Variants in SGCD observed in about 807,000 individuals in gnomAD.
SGCD encodes the protein sarcoglycan delta.
In SGCD, 18 loss-of-function variants were observed where a neutral mutation model predicts 36.6. That is an observed-to-expected ratio of 0.49 (90% confidence interval 0.34 to 0.73). SGCD has a LOEUF of 0.73. Ranked by LOEUF, SGCD falls within the 30% of genes least tolerant of loss-of-function variation. The pLI is 0.01. For synonymous variants in SGCD, 133 were observed against 130.6 expected (o/e 1.02, Z -0.12); for missense variants, 387 against 346.7 (o/e 1.12, Z -0.92).
chr5:156,448,480 C>T (rs1358219921), intron 3 of SGCD, among the ~76,000 whole-genome samples: 1 of 152,054 alleles, frequency 6.6e-6, no homozygotes, highest in Non-Finnish European at 1.5e-5. Context: ...GCAGCAGCAG[C>T]CTCTCCATGG....
At position 156,071,786 on chromosome 5, in the gene SGCD, C is replaced by G. The variant is rs943589521; in HGVS notation, c.-281-46092C>G. 5.9e-5 allele frequency among the ~76,000 whole-genome samples: 9 copies of G among 152,252 alleles called. No individual in the cohort carries two copies. In the East Asian group the frequency reaches 9.6e-4, roughly 16 times the overall value. On this transcript the variant is annotated intron_variant, in intron 1 of 9. Coordinates refer to the SGCD transcript ENST00000517913. ...AGTCTAAATCTCTTTGTAGGTCACT[C>G]AGGACTTGCTTCATGAATCTGGGTG...
intron 1 of SGCD, among the ~76,000 whole-genome samples, chr5:155,937,375 C>T (rs961792190): frequency 6.6e-6 from 1 of 152,202 alleles, no homozygotes; most frequent in East Asian, 1.9e-4. Flanking sequence ...TCCAGGTAAC[C>T]TCCTCCTAAA....
intron 3 of SGCD, among the ~76,000 whole-genome samples, chr5:156,450,954 T>C (rs761032434): frequency 6.6e-6 from 1 of 152,076 alleles, no homozygotes; most frequent in South Asian, 2.1e-4. Flanking sequence ...CTCCAATAAT[T>C]CCTGAAAGAA....
At chr5:156,575,306 A>C (rs959550690) in intron 4 of SGCD, among the ~76,000 whole-genome samples, 12 of 152,190 alleles carry the variant, frequency 7.9e-5, no homozygotes, top group African/African-American at 2.9e-4. Context: ...TGGCTTTCTC[A>C]GAAACCATGG....
At chr5:155,976,561 A>C (rs1201799747) in intron 1 of SGCD, among the ~76,000 whole-genome samples, 1 of 152,218 alleles carries the variant, frequency 6.6e-6, no homozygotes, top group Admixed American at 6.5e-5. Context: ...GGAGTCTTTC[A>C]AATAATCTCA....
chr5:156,007,174 GC>G (rs1226000951), intron 1 of SGCD, among the ~76,000 whole-genome samples: 3 of 152,102 alleles, frequency 2.0e-5, no homozygotes, highest in East Asian at 3.9e-4. Flanking sequence ...GCTGGCAGGA[GC>G]CCCCCAGACA....
chr5:156,530,198 C>T (rs957792019), intron 4 of SGCD, among the ~76,000 whole-genome samples: 13 of 152,184 alleles, frequency 8.5e-5, no homozygotes, highest in Non-Finnish European at 1.5e-5. Context: ...AAGACAAGTA[C>T]AGATGTTACA....
intron 1 of SGCD, among the ~76,000 whole-genome samples, chr5:155,996,768 GA>G (rs1758553127): frequency 7.1e-6 from 1 of 141,386 alleles, no homozygotes; most frequent in African/African-American, 2.7e-5. Flanking sequence ...GACAGAGTAA[GA>G]CTCTGTTTCA....
chr5:155,934,993 G>A (rs1757167356), intron 1 of SGCD, among the ~76,000 whole-genome samples: 1 of 152,178 alleles, frequency 6.6e-6, no homozygotes, highest in Admixed American at 6.5e-5. Flanking sequence ...GTTGATGCAA[G>A]CTGTTGTGTC....
At chr5:155,890,298 A>T (rs1460414631) in intron 1 of SGCD, among the ~76,000 whole-genome samples, 6 of 152,154 alleles carry the variant, frequency 3.9e-5, no homozygotes, top group African/African-American at 1.4e-4. Context: ...AAAGAAATTC[A>T]TTAGAAAGAT....
chr5:156,613,432 T>C (rs1761903457), intron 6 of SGCD, among the ~76,000 whole-genome samples: 1 of 152,228 alleles, frequency 6.6e-6, no homozygotes, highest in Non-Finnish European at 1.5e-5. Context: ...GGCTAGGAAG[T>C]ATTACACAGC....
rs534835009 is a variant in SGCD at position 156,476,540 on chromosome 5, C to T, written c.193-32061C>T. Reference sequence around the variant, plus strand: ...GACTTAAAATTTAAGACTTTTAAAGCGAAGCATTTGAAATAAATTGTGAAA... The same window carrying T: ...GACTTAAAATTTAAGACTTTTAAAGTGAAGCATTTGAAATAAATTGTGAAA... On this transcript the variant is annotated intron_variant, in intron 3 of 8. Coordinates refer to ENST00000337851, the MANE Select transcript of SGCD (RefSeq NM_000337.6). Among the ~76,000 whole-genome samples, 84 of 152,124 alleles carry T rather than the reference C, an allele frequency of 5.5e-4. 1 individual carries two copies. The highest frequency in any genetic ancestry group is 1.1e-3 in the Non-Finnish European group (75 of 67,990).
At chr5:156,461,664 C>T (rs1310933130) in intron 3 of SGCD, among the ~76,000 whole-genome samples, 1 of 151,954 alleles carries the variant, frequency 6.6e-6, no homozygotes, top group Non-Finnish European at 1.5e-5. Flanking sequence ...GGACTCTACT[C>T]TGGAGTTAAT....
At chr5:156,544,636 A>G (rs1056201073) in intron 4 of SGCD, among the ~76,000 whole-genome samples, 4 of 151,964 alleles carry the variant, frequency 2.6e-5, no homozygotes, top group Non-Finnish European at 4.4e-5. Context: ...AAAAACTCAC[A>G]CTAGACAAGG....
chr5:156,374,723 G>A (rs1355100689), intron 3 of SGCD, among the ~76,000 whole-genome samples: 2 of 144,184 alleles, frequency 1.4e-5, no homozygotes, highest in Non-Finnish European at 3.0e-5. Context: ...GTGCAGTGGT[G>A]CGATCTTGGC....
intron 3 of SGCD, among the ~76,000 whole-genome samples, chr5:156,166,761 C>G (rs2127620376): frequency 6.6e-6 from 1 of 152,298 alleles, no homozygotes; most frequent in African/African-American, 2.4e-5. Context: ...TTTGGACTTT[C>G]TTTGCACTTA....
At chr5:156,304,184 C>T (rs1232495975) in intron 3 of SGCD, among the ~76,000 whole-genome samples, 1 of 152,146 alleles carries the variant, frequency 6.6e-6, no homozygotes, top group African/African-American at 2.4e-5. Flanking sequence ...TAAATGCTCC[C>T]TCTATTGTCA....
chr5:155,869,956 G>A (rs1326118750), upstream of SGCD, among the ~76,000 whole-genome samples: 3 of 152,158 alleles, frequency 2.0e-5, no homozygotes, highest in East Asian at 1.9e-4. Context: ...GATCAAGATC[G>A]CACTACTGCA....
the SGCD span, among the ~76,000 whole-genome samples, chr5:155,793,676 G>A: frequency 2.0e-4 from 31 of 151,594 alleles, no homozygotes; most frequent in African/African-American, 7.0e-4. Context: ...CTAGTAGCTG[G>A]GACTACAGGC....
Sources: allele counts gnomAD v4.1 joint callset (sites outside exome capture counted in the v4.1 genomes callset), GRCh38; gene constraint gnomAD v4.1.1; transcripts MANE v1.5; gene names NCBI Gene and HGNC (gene_info 2026-07-23, HGNC 2026-07-21).